C9orf43: variants seen among roughly 807,000 people sequenced by gnomAD.
C9orf43 encodes the protein chromosome 9 open reading frame 43.
Under a neutral mutation model 59.1 loss-of-function variants are expected in C9orf43, and 45 were observed. The observed-to-expected ratio is 0.76, with a 90% CI of 0.60 to 0.98. C9orf43 has a LOEUF of 0.98. C9orf43 is among the 50% of genes least tolerant of loss of function. C9orf43 has a pLI of 0.00. For synonymous variants in C9orf43, 203 were observed against 196.8 expected, an observed-to-expected ratio of 1.03 and a Z score of -0.26; for missense variants, 533 against 554.9, an observed-to-expected ratio of 0.96 and a Z score of 0.40.
chr9:113,425,856 TG>T, intron 11 of C9orf43, 126 bp downstream of exon 11: 1 of 757,264 alleles, frequency 1.3e-6, no homozygotes, highest in Non-Finnish European at 2.3e-6. Flanking sequence ...CAGAGTTTCT[TG>T]GAATGCTTCA....
Position 113,427,919 on chromosome 9 carries a change from A to G in C9orf43, c.1031-228A>G, listed in dbSNP as rs141346528. ...TTCTTGGAGGAATCCTGGGTCTTTTAACACACACTTGAGCGTAATCTCTAA... is the reference window on the plus strand; with the variant it reads ...TTCTTGGAGGAATCCTGGGTCTTTTGACACACACTTGAGCGTAATCTCTAA... On this transcript the variant is annotated intron_variant, in intron 11 of 13. Coordinates refer to ENST00000374165, the MANE Select transcript of C9orf43 (RefSeq NM_001278629.2). Among the ~76,000 whole-genome samples, 73 of 152,312 alleles carry G rather than the reference A, an allele frequency of 4.8e-4. 3 individuals carry two copies. The East Asian group carries it at 0.014, about 29-fold the overall frequency.
Position 113,420,813 on chromosome 9 carries a change from G to T in C9orf43, c.346-290G>T, listed in dbSNP as rs1423779004. On this transcript the variant is annotated intron_variant, in intron 4 of 13. Coordinates refer to ENST00000374165, the MANE Select transcript of C9orf43 (RefSeq NM_001278629.2). ...GGATAAGTAATGTTCCTGTAGGTAA[G>T]CCCCAGGGCACCCTCATATGGGATT... is the stretch of plus-strand genomic sequence containing the variant. 1.1e-5 allele frequency: 11 copies of T among 984,178 alleles called. No homozygotes were observed. The East Asian group carries it at 1.1e-3, about 101-fold the overall frequency. 61.0% of individuals were successfully genotyped at this position (984,178 alleles called of 1,614,324 possible). A position where few individuals can be genotyped will look rare whatever the true frequency, so the allele number is the denominator to read the frequency against.
intron 11 of C9orf43, among the ~76,000 whole-genome samples, chr9:113,426,112 C>T (rs1828783472): frequency 6.6e-6 from 1 of 152,130 alleles, no homozygotes; most frequent in Non-Finnish European, 1.5e-5. Flanking sequence ...GAGCTGGGGC[C>T]CCTCACTAGA....
intron 3 of C9orf43, among the ~76,000 whole-genome samples, chr9:113,414,773 A>G (rs952384091): frequency 9.9e-5 from 15 of 152,208 alleles, no homozygotes; most frequent in African/African-American, 3.4e-4. Flanking sequence ...TTAACGATGA[A>G]TTTTGGGAGG....
intron 3 of C9orf43, among the ~76,000 whole-genome samples, chr9:113,414,738 A>G (rs2119058967): frequency 6.6e-6 from 1 of 151,380 alleles, no homozygotes; most frequent in South Asian, 2.1e-4. Flanking sequence ...AAATACAGTC[A>G]AATTCTGAAG....
intron 1 of C9orf43, among the ~76,000 whole-genome samples, chr9:113,411,557 C>T (rs1320897596): frequency 6.6e-6 from 1 of 152,178 alleles, no homozygotes; most frequent in East Asian, 1.9e-4. Context: ...CCTCGGTCTC[C>T]CAAAGTGCAG....
chr9:113,413,542 G>A lies in C9orf43; in HGVS notation c.49G>A (p.Ala17Thr). ...SQWDETTCGLAVCQHPQCWAT... is the reference protein window; with the variant it reads ...SQWDETTCGLTVCQHPQCWAT... ...GTGGGACGAAACCACCTGTGGCTTG[G>A]CTGTTTGTCAGCACCCACAATGCTG... Residue 17 changes from alanine to threonine, a missense_variant, in exon 2 of 14, where the codon GCT becomes ACT. Transcript: ENST00000374165. The A allele has an allele frequency of 6.2e-7, 1 of 1,614,154 alleles. No homozygotes were observed. The highest frequency in any genetic ancestry group is 8.5e-7 in the Non-Finnish European group (1 of 1,179,988).
chr9:113,412,929 G>A (rs899556873), intron 1 of C9orf43, among the ~76,000 whole-genome samples: 1 of 152,232 alleles, frequency 6.6e-6, no homozygotes, highest in African/African-American at 2.4e-5. Context: ...CATGGGAACT[G>A]AAGCACATTG....
At chr9:113,418,737 A>T (rs1828465573) in intron 3 of C9orf43, among the ~76,000 whole-genome samples, 1 of 152,196 alleles carries the variant, frequency 6.6e-6, no homozygotes, top group Non-Finnish European at 1.5e-5. Context: ...TAAAAGCTGA[A>T]TGATATTCTA....
At chr9:113,412,528 G>A (rs1828208588) in intron 1 of C9orf43, among the ~76,000 whole-genome samples, 1 of 152,172 alleles carries the variant, frequency 6.6e-6, no homozygotes, top group Non-Finnish European at 1.5e-5. Context: ...AAAGTTCTTA[G>A]GAATAAGGTG....
At chr9:113,425,935 G>A (rs1186418614) in intron 11 of C9orf43, among the ~76,000 whole-genome samples, 1 of 152,172 alleles carries the variant, frequency 6.6e-6, no homozygotes, top group East Asian at 1.9e-4. Flanking sequence ...TGAGCCAGAT[G>A]TCTGCTTCAC....
chr9:113,420,742 A>G (rs1828530895), intron 4 of C9orf43: 1 of 985,140 alleles, frequency 1.0e-6, no homozygotes, highest in South Asian at 4.7e-5. Flanking sequence ...CCCAAACTGC[A>G]GATTGTAATG....
In C9orf43 at chr9:113,423,482, C is replaced by A; in HGVS notation, c.640C>A (p.Gln214Lys). The A allele has an allele frequency of 3.1e-6, 5 of 1,613,554 alleles. No individual in the cohort carries two copies. The highest frequency in any genetic ancestry group is 4.2e-6 in the Non-Finnish European group (5 of 1,179,532). ...PLWAQSEALPQDLLKELLPGG... is the reference protein window; with the variant it reads ...PLWAQSEALPKDLLKELLPGG... ...CTGGGCTCAATCCGAAGCGTTACCT[C>A]AGGATCTACTGAAGGAGTAAGTATC... Residue 214 changes from glutamine (Q) to lysine (K), a missense_variant, in exon 7 of 14, where the codon CAG (glutamine) becomes AAG (lysine). Gln to Lys is a moderately conservative substitution (Grantham distance 53). Coordinates refer to ENST00000374165, the MANE Select transcript of C9orf43 (RefSeq NM_001278629.2).
chr9:113,424,511 T>C (rs1367125240), intron 8 of C9orf43, among the ~76,000 whole-genome samples, 195 bp downstream of exon 8: 1 of 151,566 alleles, frequency 6.6e-6, no homozygotes, highest in Non-Finnish European at 1.5e-5. Context: ...CAATGTTCTC[T>C]ATTTCTTTCT....
chr9:113,428,968 G>T lies in C9orf43; in HGVS notation c.1171+5G>T, dbSNP rs753840737. ...ATTTCCACCACAGTGTAAAAAGTAAGTTACTAGAGTAGAGGAACCTTAGTA... is the reference window on the plus strand; with the variant it reads ...ATTTCCACCACAGTGTAAAAAGTAATTTACTAGAGTAGAGGAACCTTAGTA... On this transcript the variant is annotated splice_donor_5th_base_variant and intron_variant, in intron 13 of 13. Coordinates refer to ENST00000374165, the MANE Select transcript of C9orf43 (RefSeq NM_001278629.2). 6.2e-7 allele frequency: 1 copy of T among 1,611,970 alleles called. No homozygotes were observed. The highest frequency in any genetic ancestry group is 8.5e-7 in the Non-Finnish European group (1 of 1,177,994).
At chr9:113,413,353 T>C in intron 1 of C9orf43, 92 bp from the exon 2 acceptor site, 1 of 1,197,212 alleles carries the variant, frequency 8.4e-7, no homozygotes, top group Non-Finnish European at 1.1e-6. Context: ...ATAGGTTCAA[T>C]AGAAATATTT....
intron 11 of C9orf43, among the ~76,000 whole-genome samples, chr9:113,426,792 G>A (rs1180638593): frequency 2.0e-5 from 3 of 152,192 alleles, no homozygotes; most frequent in Non-Finnish European, 4.4e-5. Context: ...TCCAATAGGA[G>A]CAATTTTGCT....
In C9orf43 at chr9:113,414,690, A is replaced by G. The variant is rs371670291; in HGVS notation, c.287+796A>G. Among the ~76,000 whole-genome samples, 3 of 152,180 alleles carry G rather than the reference A, an allele frequency of 2.0e-5. No homozygotes were observed. In the East Asian group the frequency reaches 5.8e-4, roughly 29 times the overall value. On this transcript the variant is annotated intron_variant, in intron 3 of 13. Coordinates refer to ENST00000374165, the MANE Select transcript of C9orf43 (RefSeq NM_001278629.2). Reference sequence around the variant, plus strand: ...GGTTAGGGCCCCCTCATGTGACTTCATTTTTACCTTAATAACTTTTTAAAA... The same window carrying G: ...GGTTAGGGCCCCCTCATGTGACTTCGTTTTTACCTTAATAACTTTTTAAAA...
Position 113,425,365 on chromosome 9 carries a change from G to GGCA in C9orf43, c.906_908dup (p.Gln304dup), listed in dbSNP as rs371732185. On this transcript the variant is annotated inframe_insertion, in exon 10 of 14. Coordinates refer to ENST00000374165, the MANE Select transcript of C9orf43 (RefSeq NM_001278629.2). ...CCAGGTTACAGGAAACAGCAGCAGCGGCAGCAGCAGCAGCAGCAGCAACAG... is the reference window on the plus strand; with the variant it reads ...CCAGGTTACAGGAAACAGCAGCAGCGGCAGCAGCAGCAGCAGCAGCAGCAACAG... 0.056 allele frequency: 89,501 copies of GGCA among 1,612,502 alleles called. 2,426 individuals carry two copies. The highest frequency in any genetic ancestry group is 0.098 in the South Asian group (8,864 of 90,844).
Sources: allele counts gnomAD v4.1 joint callset (sites outside exome capture counted in the v4.1 genomes callset), GRCh38; gene constraint gnomAD v4.1.1; transcripts MANE v1.5; gene names NCBI Gene and HGNC (gene_info 2026-07-23, HGNC 2026-07-21).